The following EXOC4 variants were observed in gnomAD, a reference collection of about 807,000 sequenced individuals.
EXOC4 encodes SEC8-like 1.
EXOC4 carries 71 observed loss-of-function variants against 107.2 expected under a neutral mutation model. The observed-to-expected ratio is 0.66, with a 90% confidence interval of 0.55 to 0.81. EXOC4 has a LOEUF of 0.81. Among genes scored for constraint, EXOC4 ranks in the 30% least tolerant of loss-of-function variants. The pLI, the probability that EXOC4 is intolerant of heterozygous loss-of-function variation, is 0.00. For missense variants in EXOC4, 1,108 were observed against 1,189.6 expected (o/e 0.93, Z 1.01); for synonymous variants, 456 against 441.2 (o/e 1.03, Z -0.42).
intron 10 of EXOC4, among the ~76,000 whole-genome samples, chr7:133,658,483 A>G (rs1803354976): frequency 2.0e-5 from 3 of 152,112 alleles, no homozygotes; most frequent in African/African-American, 7.2e-5. Context: ...CCAGGCTGCT[A>G]TGGGGCTCAT....
chr7:133,745,301 G>A (rs541913516), intron 10 of EXOC4, among the ~76,000 whole-genome samples: 19 of 152,230 alleles, frequency 1.2e-4, no homozygotes, highest in East Asian at 3.9e-4. Context: ...GCTTACACTC[G>A]AGTACAGCTG....
intron 7 of EXOC4, among the ~76,000 whole-genome samples, chr7:133,430,450 AT>A (rs1384264870): frequency 6.6e-6 from 1 of 151,864 alleles, no homozygotes; most frequent in African/African-American, 2.4e-5. Context: ...TCTATCTAAT[AT>A]TTCCCTGCTT....
Position 133,873,509 on chromosome 7 carries a change from A to G in EXOC4, c.1735-22090A>G, listed in dbSNP as rs1798790410. On this transcript the variant is annotated intron_variant, in intron 11 of 17. Coordinates refer to ENST00000253861, the MANE Select transcript of EXOC4 (RefSeq NM_021807.4). ...AGTGTGGATGTGTGTGAGGCAGGGT[A>G]AGTGTGAAGATGTTAAGTTTATTTT... 2.6e-5 allele frequency among the ~76,000 whole-genome samples: 4 copies of G among 152,238 alleles called. No homozygotes were observed. In the South Asian group the frequency reaches 8.3e-4, roughly 32 times the overall value.
At chr7:133,340,802 G>A (rs550317990) in intron 5 of EXOC4, among the ~76,000 whole-genome samples, 55 of 152,144 alleles carry the variant, frequency 3.6e-4, no homozygotes, top group Non-Finnish European at 6.0e-4. Context: ...AGGTTTTCTA[G>A]TTAATGCTCA....
chr7:133,600,493 A>G (rs765582019), intron 9 of EXOC4, among the ~76,000 whole-genome samples: 1 of 152,136 alleles, frequency 6.6e-6, no homozygotes, highest in Non-Finnish European at 1.5e-5. Flanking sequence ...TACTTTCCCA[A>G]TCACCTAGGT....
intron 6 of EXOC4, among the ~76,000 whole-genome samples, chr7:133,362,419 C>G (rs1292750384): frequency 6.6e-6 from 1 of 152,188 alleles, no homozygotes; most frequent in Non-Finnish European, 1.5e-5. Flanking sequence ...CTGAATAATT[C>G]TAACGCTGAG....
At chr7:133,329,665 T>C (rs1315166584) in intron 5 of EXOC4, among the ~76,000 whole-genome samples, 1 of 152,212 alleles carries the variant, frequency 6.6e-6, no homozygotes, top group Non-Finnish European at 1.5e-5. Context: ...TAGTTTTCCT[T>C]CTAACAGTCA....
chr7:134,018,515 A>T (rs185921984), intron 17 of EXOC4, among the ~76,000 whole-genome samples: 1 of 152,318 alleles, frequency 6.6e-6, no homozygotes, highest in Admixed American at 6.5e-5. Context: ...AAGGAAGGTC[A>T]CATGGCCACA....
intron 11 of EXOC4, among the ~76,000 whole-genome samples, chr7:133,819,339 T>C (rs1378172146): frequency 6.6e-6 from 1 of 151,920 alleles, no homozygotes; most frequent in African/African-American, 2.4e-5. Flanking sequence ...TTTAACACTT[T>C]GGTTTTTTCT....
intron 5 of EXOC4, among the ~76,000 whole-genome samples, chr7:133,329,773 T>C (rs1278527992): frequency 6.6e-6 from 1 of 152,194 alleles, no homozygotes; most frequent in Non-Finnish European, 1.5e-5. Flanking sequence ...CAGCAAAGAT[T>C]GCTGCCTGTT....
the EXOC4 span, among the ~76,000 whole-genome samples, chr7:134,093,271 C>A: frequency 6.6e-6 from 1 of 152,198 alleles, no homozygotes; most frequent in African/African-American, 2.4e-5. Context: ...AGGGGTCACT[C>A]TTCTTATATC....
chr7:133,921,878 A>G (rs1030268), intron 13 of EXOC4, among the ~76,000 whole-genome samples: 44,929 of 151,976 alleles, frequency 0.3, 6,893 homozygotes, highest in South Asian at 0.44. Context: ...TTTTTTAACT[A>G]TCTCAGAGTT....
chr7:133,757,120 C>T (rs1262364374), intron 10 of EXOC4, among the ~76,000 whole-genome samples: 1 of 152,186 alleles, frequency 6.6e-6, no homozygotes, highest in Non-Finnish European at 1.5e-5. Flanking sequence ...CAGATGCTTA[C>T]ATGCTGTCTT....
At chr7:133,883,595 A>G (rs1359169566) in intron 11 of EXOC4, among the ~76,000 whole-genome samples, 1 of 152,000 alleles carries the variant, frequency 6.6e-6, no homozygotes, top group East Asian at 1.9e-4. Context: ...ATGAGCTATG[A>G]TCACACTACT....
intron 7 of EXOC4, among the ~76,000 whole-genome samples, chr7:133,414,572 A>T (rs1223156940): frequency 6.6e-6 from 1 of 152,148 alleles, no homozygotes; most frequent in Non-Finnish European, 1.5e-5. Flanking sequence ...GAATGCATAA[A>T]TGTAGGGTGA....
chr7:133,845,334 TA>T (rs61535840), intron 11 of EXOC4, among the ~76,000 whole-genome samples: 1,872 of 136,730 alleles, frequency 0.014, 34 homozygotes, highest in African/African-American at 0.049. Context: ...GGCAGGTTAG[TA>T]GTGTGTGTGT....
chr7:133,854,408 G>GCACA (rs56849407), intron 11 of EXOC4, among the ~76,000 whole-genome samples: 19,452 of 139,392 alleles, frequency 0.14, 1,396 homozygotes, highest in East Asian at 0.25. Context: ...TGTTGAAAGA[G>GCACA]CACACACACA....
At chr7:133,792,812 A>G (rs1053308276) in intron 10 of EXOC4, among the ~76,000 whole-genome samples, 3 of 152,208 alleles carry the variant, frequency 2.0e-5, no homozygotes, top group African/African-American at 7.2e-5. Context: ...GAAAAAGTGT[A>G]TAAAAATAGC....
At chr7:133,791,199 T>C (rs567376175) in intron 10 of EXOC4, among the ~76,000 whole-genome samples, 2 of 152,318 alleles carry the variant, frequency 1.3e-5, no homozygotes, top group East Asian at 1.9e-4. Flanking sequence ...GCTGCCTGTT[T>C]AGGCTACCCA....
Sources: gnomAD v4.1 joint callset for allele counts (sites outside exome capture counted in the v4.1 genomes callset) on GRCh38, gnomAD v4.1.1 for gene constraint, MANE v1.5 for transcripts, NCBI Gene and HGNC (gene_info 2026-07-23, HGNC 2026-07-21) for gene names.